Variants in ATXN10 observed in about 807,000 individuals in gnomAD.
The protein encoded by ATXN10 is ataxin-10.
ATXN10 carries 28 observed loss-of-function variants against 52.9 expected under a neutral mutation model. That is an observed-to-expected ratio of 0.53 (90% CI 0.39 to 0.73). The LOEUF (loss-of-function observed/expected upper bound fraction) is 0.73, where lower values mean the gene tolerates loss of function less well. ATXN10 is among the 30% of genes least tolerant of loss of function. The probability of loss-of-function intolerance (pLI) is 0.00; values close to 1 mark genes in which losing one functional copy is unlikely to be tolerated. For synonymous variants in ATXN10, 226 were observed against 221.5 expected (o/e 1.02, Z -0.18); for missense variants, 565 against 577.0 (o/e 0.98, Z 0.21).
chr22:45,740,719 CATAT>C (rs1555891806), intron 9 of ATXN10, 181 bp downstream of exon 9: 4 of 339,538 alleles, frequency 1.2e-5, no homozygotes, highest in Admixed American at 5.0e-5. Context: ...CACACACACA[CATAT>C]ATATACACAC....
chr22:45,772,936 A>G lies in ATXN10; in HGVS notation c.1173+32398A>G, dbSNP rs558171673. On this transcript the variant is annotated intron_variant, in intron 9 of 11. Coordinates refer to ENST00000252934, the MANE Select transcript of ATXN10 (RefSeq NM_013236.4). This position sits in a 1 kb window ranked among gnomAD's most constrained non-coding sequence, Gnocchi z 4.1. ...CCCGTATACTTCAAACCATCTGTAG[A>G]CTTCTTATAATACCTAATACATGTA... Among the ~76,000 whole-genome samples the G allele has an allele frequency of 5.3e-5, 8 of 152,306 alleles. No individual in the cohort carries two copies. The highest frequency in any genetic ancestry group is 1.9e-4 in the African/African-American group (8 of 41,570).
Position 45,737,690 on chromosome 22 carries a change from CTTTTTTT to C in ATXN10, c.895-1025_895-1019del, listed in dbSNP as rs544284810. 5.2e-3 allele frequency among the ~76,000 whole-genome samples: 641 copies of C among 123,236 alleles called. 3 individuals are homozygous for C. The highest frequency in any genetic ancestry group is 0.01 in the African/African-American group (332 of 32,110). The allele number at this position is 123,236 out of a possible 152,430, so 80.8% of individuals were successfully genotyped here. A position where few individuals can be genotyped will look rare whatever the true frequency, so the allele number is the denominator to read the frequency against. On this transcript the variant is annotated intron_variant, in intron 7 of 11. Transcript: ENST00000252934. ...GTCTTTCTTTTGAAGAATGTTATCT[CTTTTTTT>C]TTTTTTTTTTTTTTTGTTTGAGGCA...
intron 6 of ATXN10, among the ~76,000 whole-genome samples, chr22:45,725,724 G>A (rs1924842738): frequency 6.6e-6 from 1 of 152,102 alleles, no homozygotes; most frequent in Admixed American, 6.6e-5. Flanking sequence ...GGTGAAAGTG[G>A]ACATCCTTGT....
rs1929462903 is a variant in ATXN10 at position 45,844,947 on chromosome 22, T to C, written c.*1276T>C. The C allele has an allele frequency of 6.6e-6, 1 of 152,252 alleles. No individual in the cohort carries two copies. Among genetic ancestry groups the C allele is most frequent in the South Asian group, 2.1e-4 (1 of 4,836 alleles). 9.4% of individuals were successfully genotyped at this position (152,252 alleles called of 1,614,324 possible). ...AAAAGTTTTCCCATGTGCTGTCTAA[T>C]GTACTCTGTGTAACTCTGAAGACAC... On this transcript the variant is annotated 3_prime_UTR_variant, in exon 12 of 12. Coordinates refer to ENST00000252934, the MANE Select transcript of ATXN10 (RefSeq NM_013236.4).
rs537790938 is a variant in ATXN10, at chr22:45,754,437, C to G, written c.1173+13899C>G. Among the ~76,000 whole-genome samples the G allele has an allele frequency of 6.6e-6, 1 of 152,160 alleles. No homozygotes were observed. Among genetic ancestry groups the G allele is most frequent in the South Asian group, 2.1e-4 (1 of 4,836 alleles). ...CTTCCATGAATGCCTCCTGCATGTG[C>G]TTGAGTGGGATGTTTCAGAGGTGTG... On this transcript the variant is annotated intron_variant, in intron 9 of 11. Coordinates refer to ENST00000252934, the MANE Select transcript of ATXN10 (RefSeq NM_013236.4). This position sits in a 1 kb window ranked among gnomAD's most constrained non-coding sequence, Gnocchi z 5.4.
At position 45,727,850 on chromosome 22, in the gene ATXN10, C is replaced by CT. The variant is rs1371311551; in HGVS notation, c.729-1567dup. Among the ~76,000 whole-genome samples the CT allele has an allele frequency of 6.6e-5, 10 of 151,674 alleles. No homozygotes were observed. Among genetic ancestry groups the CT allele is most frequent in the African/African-American group, 1.9e-4 (8 of 41,252 alleles). ...ATCATCATATAATGACCTTCTTTGT[C>CT]TTTTTTTTACTGTTGTTGCTTTAAA... On this transcript the variant is annotated intron_variant, in intron 6 of 11. Coordinates refer to ENST00000252934, the MANE Select transcript of ATXN10 (RefSeq NM_013236.4). The surrounding 1 kb of genome is among the most constrained non-coding windows in gnomAD (Gnocchi z 4.6).
At chr22:45,767,577 ATT>A (rs1226348416) in intron 9 of ATXN10, among the ~76,000 whole-genome samples, 1 of 152,142 alleles carries the variant, frequency 6.6e-6, no homozygotes, top group Non-Finnish European at 1.5e-5. Context: ...AGAAACTAAA[ATT>A]CTTTGAGTGT....
rs149650863 is a variant in ATXN10 at position 45,761,128 on chromosome 22, T to C, written c.1173+20590T>C. Among the ~76,000 whole-genome samples the C allele has an allele frequency of 3.3e-5, 5 of 152,308 alleles. No individual in the cohort carries two copies. The East Asian group carries it at 9.6e-4, about 29-fold the overall frequency. On this transcript the variant is annotated intron_variant, in intron 9 of 11. Coordinates refer to ENST00000252934, the MANE Select transcript of ATXN10 (RefSeq NM_013236.4). ...AGGGTGACCTCAGTATTTTATTTTA[T>C]TTTATTTTTTTGAGACGGAGTCTTG...
rs1927373602 is a variant in ATXN10 at position 45,787,905 on chromosome 22, C to T, written c.1174-19054C>T. Among the ~76,000 whole-genome samples the T allele has an allele frequency of 6.6e-6, 1 of 152,180 alleles. No homozygotes were observed. Among genetic ancestry groups the T allele is most frequent in the Admixed American group, 6.5e-5 (1 of 15,286 alleles). On this transcript the variant is annotated intron_variant, in intron 9 of 11. Coordinates refer to ENST00000252934, the MANE Select transcript of ATXN10 (RefSeq NM_013236.4). The surrounding 1 kb of genome is among the most constrained non-coding windows in gnomAD (Gnocchi z 4.2). ...GGAACAAAAATATTCATATCATTTA[C>T]AAATTAATCTATCAGGAATGAGTGT...
Position 45,818,165 on chromosome 22 carries a change from A to G in ATXN10, c.1237+11143A>G, listed in dbSNP as rs1450966900. On this transcript the variant is annotated intron_variant, in intron 10 of 11. Transcript: ENST00000252934. The surrounding 1 kb of genome is among the most constrained non-coding windows in gnomAD (Gnocchi z 4.6). ...CTCAGCTTTTGGTTTTGTGCCTCTC[A>G]TTTTCTTACACCTCCAGAATCACAG... is the stretch of plus-strand genomic sequence containing the variant. Among the ~76,000 whole-genome samples the G allele has an allele frequency of 1.3e-5, 2 of 152,124 alleles. No individual in the cohort carries two copies. Among genetic ancestry groups the G allele is most frequent in the South Asian group, 2.1e-4 (1 of 4,820 alleles).
chr22:45,808,493 T>A (rs1928176656), intron 10 of ATXN10, among the ~76,000 whole-genome samples: 1 of 152,212 alleles, frequency 6.6e-6, no homozygotes, highest in Admixed American at 6.5e-5. Context: ...TCCACCTTGG[T>A]GTCCTCCTTG....
Position 45,825,832 on chromosome 22 carries a change from C to T in ATXN10, c.1238-17159C>T, listed in dbSNP as rs535983225. On this transcript the variant is annotated intron_variant, in intron 10 of 11. Transcript: ENST00000252934. This position sits in a 1 kb window ranked among gnomAD's most constrained non-coding sequence, Gnocchi z 4.5. ...CAGTGGCTGACACCAGTAATCCCAG[C>T]ACCTACCAGGGCAGATGGCTTGAGC... Among the ~76,000 whole-genome samples, 132 of 152,272 alleles carry T rather than the reference C, an allele frequency of 8.7e-4. No individual in the cohort carries two copies. Among genetic ancestry groups the T allele is most frequent in the African/African-American group, 3.0e-3 (125 of 41,550 alleles).
At position 45,690,698 on chromosome 22, in the gene ATXN10, C is replaced by G. The variant is rs1308843705; in HGVS notation, c.308+795C>G. Among the ~76,000 whole-genome samples, 3 of 152,174 alleles carry G rather than the reference C, an allele frequency of 2.0e-5. No individual in the cohort carries two copies. The highest frequency in any genetic ancestry group is 4.8e-5 in the African/African-American group (2 of 41,444). ...GTAAAGTTCCAAGCTCTGCTTCCAC[C>G]TATTTTATGATGCGCACATTTTTAA... is the stretch of plus-strand genomic sequence containing the variant. On this transcript the variant is annotated intron_variant, in intron 2 of 11. Coordinates refer to ENST00000252934, the MANE Select transcript of ATXN10 (RefSeq NM_013236.4). The surrounding 1 kb of genome is among the most constrained non-coding windows in gnomAD (Gnocchi z 4.5).
chr22:45,789,511 A>G lies in ATXN10; in HGVS notation c.1174-17448A>G, dbSNP rs920955760. On this transcript the variant is annotated intron_variant, in intron 9 of 11. Coordinates refer to ENST00000252934, the MANE Select transcript of ATXN10 (RefSeq NM_013236.4). This position sits in a 1 kb window ranked among gnomAD's most constrained non-coding sequence, Gnocchi z 4.0. Reference sequence around the variant, plus strand: ...CAAACAAATAGCTGCTCTGTATACCATGGACGCTATACAGCTCAACTCAAA... The same window carrying G: ...CAAACAAATAGCTGCTCTGTATACCGTGGACGCTATACAGCTCAACTCAAA... Among the ~76,000 whole-genome samples the G allele has an allele frequency of 6.6e-6, 1 of 152,192 alleles. No individual in the cohort carries two copies. The highest frequency in any genetic ancestry group is 2.4e-5 in the African/African-American group (1 of 41,454).
chr22:45,788,077 C>A (rs1283804072), intron 9 of ATXN10, among the ~76,000 whole-genome samples: 3 of 152,090 alleles, frequency 2.0e-5, no homozygotes, highest in Non-Finnish European at 2.9e-5. Flanking sequence ...CTCCATCTAC[C>A]CGCTTTAGGA....
At chr22:45,815,658 A>G (rs1928434613) in intron 10 of ATXN10, among the ~76,000 whole-genome samples, 1 of 151,770 alleles carries the variant, frequency 6.6e-6, no homozygotes, top group Non-Finnish European at 1.5e-5. Context: ...TTGTTGGAAA[A>G]AATTGTTTCC....
rs1410914026 is a variant in ATXN10 at position 45,684,803 on chromosome 22, G to A, written c.117-4909G>A. Reference sequence around the variant, plus strand: ...GAAAAGAAGTTTTGAGTTCTGCGCAGATTTCAAAATTTTACCCTAGGCTGT... The same window carrying A: ...GAAAAGAAGTTTTGAGTTCTGCGCAAATTTCAAAATTTTACCCTAGGCTGT... On this transcript the variant is annotated intron_variant, in intron 1 of 11. Transcript: ENST00000252934. This position sits in a 1 kb window ranked among gnomAD's most constrained non-coding sequence, Gnocchi z 4.1. 2.6e-5 allele frequency among the ~76,000 whole-genome samples: 4 copies of A among 152,220 alleles called. No homozygotes were observed. The highest frequency in any genetic ancestry group is 5.9e-5 in the Non-Finnish European group (4 of 68,050).
chr22:45,759,006 A>G lies in ATXN10; in HGVS notation c.1173+18468A>G, dbSNP rs775452317. On this transcript the variant is annotated intron_variant, in intron 9 of 11. Coordinates refer to ENST00000252934, the MANE Select transcript of ATXN10 (RefSeq NM_013236.4). This position sits in a 1 kb window ranked among gnomAD's most constrained non-coding sequence, Gnocchi z 5.4. ...TAACAAGATTTAATGTAATTTAGACATTATTCTTACTTAGAAGTACCATTC... is the reference window on the plus strand; with the variant it reads ...TAACAAGATTTAATGTAATTTAGACGTTATTCTTACTTAGAAGTACCATTC... 1.3e-5 allele frequency among the ~76,000 whole-genome samples: 2 copies of G among 152,240 alleles called. No homozygotes were observed. The highest frequency in any genetic ancestry group is 2.9e-5 in the Non-Finnish European group (2 of 68,052).
chr22:45,821,714 T>C (rs57344121), intron 10 of ATXN10, among the ~76,000 whole-genome samples: 2,789 of 152,334 alleles, frequency 0.018, 98 homozygotes, highest in African/African-American at 0.064. Flanking sequence ...GCTGTATTTC[T>C]TGGTGCTGTC....
Sources: allele counts gnomAD v4.1 joint callset (sites outside exome capture counted in the v4.1 genomes callset), GRCh38; gene constraint gnomAD v4.1.1; non-coding constraint Gnocchi (gnomAD v3.1); transcripts MANE v1.5; gene names NCBI Gene and HGNC (gene_info 2026-07-23, HGNC 2026-07-21).